The following DLC1 variants were observed in gnomAD, a reference collection of about 807,000 sequenced individuals.
DLC1 encodes the protein rho GTPase-activating protein 7.
In DLC1, 54 loss-of-function variants were observed where a neutral mutation model predicts 140.3. The observed-to-expected ratio is 0.38, with a 90% CI of 0.31 to 0.48. The LOEUF is 0.48. DLC1 is among the 20% of genes least tolerant of loss of function. The pLI is 0.96. For missense variants in DLC1, 2,536 were observed against 1,907.0 expected, an observed-to-expected ratio of 1.33 and a Z score of -6.14; for synonymous variants, 986 against 728.1, an observed-to-expected ratio of 1.35 and a Z score of -5.70.
At chr8:13,525,989 T>A (rs1802911411) in intron 1 of DLC1, among the ~76,000 whole-genome samples, 1 of 152,170 alleles carries the variant, frequency 6.6e-6, no homozygotes, top group Non-Finnish European at 1.5e-5. Flanking sequence ...TATGTAGAGA[T>A]AATTTTTTAT....
chr8:13,538,685 A>G (rs1034722492), intron 1 of DLC1, among the ~76,000 whole-genome samples: 2 of 152,180 alleles, frequency 1.3e-5, no homozygotes, highest in Admixed American at 6.5e-5. Flanking sequence ...CCGGTTTTAC[A>G]GATGGAGAAA....
chr8:13,296,429 C>T (rs13279835), intron 5 of DLC1, among the ~76,000 whole-genome samples: 41,673 of 151,988 alleles, frequency 0.27, 6,057 homozygotes, highest in Admixed American at 0.32. Flanking sequence ...TCTTATTGGC[C>T]CATACTGGCA....
At chr8:13,357,394 C>T (rs1586199819) in intron 4 of DLC1, among the ~76,000 whole-genome samples, 2 of 152,318 alleles carry the variant, frequency 1.3e-5, no homozygotes, top group East Asian at 3.9e-4. Context: ...AAATTTACCC[C>T]AGTTTGACTT....
chr8:13,498,972 C>A, intron 2 of DLC1, 77 bp downstream of exon 2: 3 of 1,474,046 alleles, frequency 2.0e-6, no homozygotes, highest in Non-Finnish European at 1.8e-6. Flanking sequence ...CTTTTTAATC[C>A]AAGCAAAATG....
At chr8:13,573,856 A>G (rs1222871148) in intron 1 of DLC1, among the ~76,000 whole-genome samples, 1 of 152,190 alleles carries the variant, frequency 6.6e-6, no homozygotes, top group African/African-American at 2.4e-5. Context: ...ACGTTAATAT[A>G]AAAGTTCATT....
intron 1 of DLC1, among the ~76,000 whole-genome samples, chr8:13,560,768 G>T (rs58480629): frequency 0.17 from 25,168 of 149,554 alleles, 2,368 homozygotes; most frequent in East Asian, 0.29. Context: ...GTGTCCCTGT[G>T]GGGGGGGAGG....
At chr8:13,439,883 C>T (rs908794206) in intron 2 of DLC1, among the ~76,000 whole-genome samples, 6 of 152,142 alleles carry the variant, frequency 3.9e-5, no homozygotes, top group African/African-American at 9.7e-5. Flanking sequence ...AACACAATCG[C>T]CTCACAGAAG....
intron 5 of DLC1, among the ~76,000 whole-genome samples, chr8:13,197,895 C>T (rs1827160800): frequency 6.6e-6 from 1 of 151,928 alleles, no homozygotes; most frequent in African/African-American, 2.4e-5. Flanking sequence ...CTTCTTTTTG[C>T]CTGATCTTGG....
intron 2 of DLC1, among the ~76,000 whole-genome samples, chr8:13,441,955 T>C (rs1798529848): frequency 6.6e-6 from 1 of 152,142 alleles, no homozygotes; most frequent in South Asian, 2.1e-4. Context: ...CTTCAAACTA[T>C]ACTACAAGGC....
intron 2 of DLC1, among the ~76,000 whole-genome samples, chr8:13,492,195 C>T (rs142538926): frequency 5.9e-4 from 90 of 151,502 alleles, no homozygotes; most frequent in African/African-American, 2.1e-3. Context: ...GAGGGTTCCA[C>T]CTCTAGCCTG....
intron 1 of DLC1, among the ~76,000 whole-genome samples, chr8:13,582,465 G>T (rs776633615): frequency 1.3e-5 from 2 of 152,066 alleles, no homozygotes; most frequent in Non-Finnish European, 2.9e-5. Flanking sequence ...CGTTTAATCA[G>T]CTGCCAGCAA....
At chr8:13,468,811 CTTTTTTTTTTT>C (rs78775803) in intron 2 of DLC1, among the ~76,000 whole-genome samples, 36 of 89,960 alleles carry the variant, frequency 4.0e-4, no homozygotes, top group Admixed American at 1.8e-3. Flanking sequence ...TTTATGTCTG[CTTTTTTTTTTT>C]TTTTTTTTTT....
At chr8:13,416,070 T>C (rs900265333) in intron 2 of DLC1, among the ~76,000 whole-genome samples, 31 of 152,104 alleles carry the variant, frequency 2.0e-4, no homozygotes, top group African/African-American at 7.2e-4. Flanking sequence ...CAGCTGAGGG[T>C]CATTTCTTTT....
At chr8:13,286,810 A>G (rs1028183494) in intron 5 of DLC1, among the ~76,000 whole-genome samples, 2 of 151,964 alleles carry the variant, frequency 1.3e-5, no homozygotes, top group Non-Finnish European at 2.9e-5. Flanking sequence ...ACAAGTGAGG[A>G]GAAGAAGGAA....
intron 5 of DLC1, among the ~76,000 whole-genome samples, chr8:13,188,812 T>C (rs1235005790): frequency 2.3e-5 from 1 of 43,558 alleles, no homozygotes; most frequent in East Asian, 1.7e-3. Flanking sequence ...TATATATATA[T>C]ATATATATAT....
intron 4 of DLC1, among the ~76,000 whole-genome samples, chr8:13,327,274 C>T (rs1833403482): frequency 6.6e-6 from 1 of 151,866 alleles, no homozygotes; most frequent in Non-Finnish European, 1.5e-5. Flanking sequence ...CGCCCGGCCC[C>T]ACTTGCAGTT....
In DLC1 at chr8:13,261,069, A is replaced by T. The variant is rs990975353; in HGVS notation, c.1348+44200T>A. On this transcript the variant is annotated intron_variant, in intron 5 of 17. Coordinates refer to ENST00000276297, the MANE Select transcript of DLC1 (RefSeq NM_182643.3). Reference sequence around the variant, plus strand: ...GTTTCTAAGCACTAGGAATATGAAGATGCACAATTACTAAGTTCCTGGCCT... The same window carrying T: ...GTTTCTAAGCACTAGGAATATGAAGTTGCACAATTACTAAGTTCCTGGCCT... Among the ~76,000 whole-genome samples, 24 of 152,378 alleles carry T rather than the reference A, an allele frequency of 1.6e-4. No homozygotes were observed. The South Asian group carries it at 4.8e-3, about 30-fold the overall frequency.
At chr8:13,251,791 A>G (rs1830017645) in intron 5 of DLC1, among the ~76,000 whole-genome samples, 1 of 152,200 alleles carries the variant, frequency 6.6e-6, no homozygotes. Flanking sequence ...AATCTGTTTG[A>G]AAGTATTCCA....
chr8:13,538,859 C>T (rs1395817363), intron 1 of DLC1, among the ~76,000 whole-genome samples: 2 of 152,154 alleles, frequency 1.3e-5, no homozygotes, highest in South Asian at 2.1e-4. Flanking sequence ...TCTACTATCC[C>T]ACAGTTCGGC....
Sources: allele counts gnomAD v4.1 joint callset (sites outside exome capture counted in the v4.1 genomes callset), GRCh38; gene constraint gnomAD v4.1.1; transcripts MANE v1.5; gene names NCBI Gene and HGNC (gene_info 2026-07-23, HGNC 2026-07-21).